SUCLG2: variants seen among roughly 807,000 people sequenced by gnomAD.
SUCLG2 encodes the protein succinate--CoA ligase [GDP-forming] subunit beta, mitochondrial.
A neutral mutation model predicts 47.9 loss-of-function variants in SUCLG2; 42 were observed. That is an observed-to-expected ratio of 0.88 (90% confidence interval 0.69 to 1.14). SUCLG2 has a LOEUF of 1.14. Among genes scored for constraint, SUCLG2 ranks in the 50% most tolerant of loss-of-function variants. The probability of loss-of-function intolerance (pLI) is 0.00; values close to 1 mark genes in which losing one functional copy is unlikely to be tolerated. For missense variants in SUCLG2, 571 were observed against 525.9 expected, an observed-to-expected ratio of 1.09 and a Z score of -0.84; for synonymous variants, 195 against 197.3, an observed-to-expected ratio of 0.99 and a Z score of 0.10.
chr3:67,406,132 T>C (rs1016388947), intron 9 of SUCLG2, among the ~76,000 whole-genome samples: 4 of 152,156 alleles, frequency 2.6e-5, no homozygotes, highest in African/African-American at 9.7e-5. Flanking sequence ...GACTCAGAGG[T>C]AGAAACAAAT....
intron 9 of SUCLG2, among the ~76,000 whole-genome samples, chr3:67,402,318 G>GTA (rs2106817675): frequency 1.5e-5 from 1 of 67,776 alleles, no homozygotes; most frequent in East Asian, 3.8e-4. Context: ...GGGCAAGTAA[G>GTA]AAAACCTTTT....
intron 9 of SUCLG2, among the ~76,000 whole-genome samples, chr3:67,492,291 G>C (rs1009043227): frequency 1.3e-5 from 2 of 152,180 alleles, no homozygotes; most frequent in Non-Finnish European, 2.9e-5. Flanking sequence ...CACTTCACAA[G>C]ATGTTTCGTG....
At chr3:67,602,114 G>A (rs1708433627) in intron 2 of SUCLG2, among the ~76,000 whole-genome samples, 1 of 152,128 alleles carries the variant, frequency 6.6e-6, no homozygotes, top group Non-Finnish European at 1.5e-5. Context: ...GAAGAGATCT[G>A]GTGACACTCA....
intron 4 of SUCLG2, among the ~76,000 whole-genome samples, chr3:67,522,292 G>A (rs571556997): frequency 6.6e-6 from 1 of 152,062 alleles, no homozygotes; most frequent in South Asian, 2.1e-4. Flanking sequence ...CAATACACTC[G>A]CCTAAGATTC....
intron 9 of SUCLG2, among the ~76,000 whole-genome samples, chr3:67,432,025 T>C (rs1703497044): frequency 6.6e-6 from 1 of 152,206 alleles, no homozygotes. Context: ...CCTTAAGAAA[T>C]GCAGGAAGGG....
intron 9 of SUCLG2, chr3:67,408,578 C>T: frequency 1.0e-6 from 1 of 976,296 alleles, no homozygotes; most frequent in Non-Finnish European, 1.2e-6. Flanking sequence ...TCAGGTTGAC[C>T]TCTGAAAGCA....
intron 4 of SUCLG2, among the ~76,000 whole-genome samples, chr3:67,522,215 C>T (rs1384943358): frequency 6.6e-6 from 1 of 151,632 alleles, no homozygotes; most frequent in African/African-American, 2.4e-5. Flanking sequence ...TTAATTTTTG[C>T]TTTATTTTTT....
chr3:67,607,805 G>C (rs1042054165), intron 2 of SUCLG2, among the ~76,000 whole-genome samples: 1 of 152,108 alleles, frequency 6.6e-6, no homozygotes, highest in Non-Finnish European at 1.5e-5. Flanking sequence ...GAGATCTAAT[G>C]GTTTTATAAA....
chr3:67,391,208 T>C (rs1039427003), intron 10 of SUCLG2, among the ~76,000 whole-genome samples: 2 of 152,240 alleles, frequency 1.3e-5, no homozygotes, highest in Non-Finnish European at 2.9e-5. Context: ...TCTAAAGTTG[T>C]TGTGAACATA....
intron 10 of SUCLG2, among the ~76,000 whole-genome samples, chr3:67,365,314 C>A (rs942501505): frequency 6.6e-6 from 1 of 152,076 alleles, no homozygotes. Flanking sequence ...ACGAAACTCA[C>A]GATTTTCAAG....
chr3:67,488,785 A>ATT (rs1289574898), intron 9 of SUCLG2, among the ~76,000 whole-genome samples: 1 of 152,008 alleles, frequency 6.6e-6, no homozygotes, highest in African/African-American at 2.4e-5. Flanking sequence ...ATAATTATAT[A>ATT]TTTTTCCAAA....
intron 9 of SUCLG2, among the ~76,000 whole-genome samples, chr3:67,453,841 T>C (rs1001577566): frequency 1.3e-5 from 2 of 152,160 alleles, no homozygotes; most frequent in Non-Finnish European, 2.9e-5. Context: ...AATGTGACCA[T>C]CCAGTTGAAA....
At chr3:67,563,787 G>A (rs143836420) in intron 2 of SUCLG2, among the ~76,000 whole-genome samples, 4,274 of 151,876 alleles carry the variant, frequency 0.028, 104 homozygotes, top group Non-Finnish European at 0.047. Flanking sequence ...GTGAAACCCC[G>A]TCTTTACTAA....
intron 9 of SUCLG2, among the ~76,000 whole-genome samples, chr3:67,429,103 C>T (rs1703390267): frequency 6.6e-6 from 1 of 152,068 alleles, no homozygotes; most frequent in Admixed American, 6.5e-5. Context: ...ACAGAGAATG[C>T]CACAAAGATA....
chr3:67,463,212 T>C (rs1397692089), intron 9 of SUCLG2, among the ~76,000 whole-genome samples: 1 of 152,190 alleles, frequency 6.6e-6, no homozygotes, highest in African/African-American at 2.4e-5. Context: ...ATTGAAAATT[T>C]TCTGGATTTT....
chr3:67,555,695 T>C (rs1707143187), intron 2 of SUCLG2, among the ~76,000 whole-genome samples: 1 of 152,142 alleles, frequency 6.6e-6, no homozygotes, highest in Non-Finnish European at 1.5e-5. Flanking sequence ...AAGTCTTTGA[T>C]GATATAAATA....
chr3:67,375,644 C>T lies in SUCLG2; in HGVS notation c.*100G>A, dbSNP rs913064811. 1.3e-5 allele frequency: 19 copies of T among 1,457,108 alleles called. No homozygotes were observed. Among genetic ancestry groups the T allele is most frequent in the East Asian group, 7.6e-5 (3 of 39,634 alleles). The allele number at this position is 1,457,108 out of a possible 1,614,324, so 90.3% of individuals were successfully genotyped here. On this transcript the variant is annotated 3_prime_UTR_variant, in exon 11 of 11. Transcript: ENST00000307227. ...CAGTGATTCTTGCCTTCCCCCTCCC[C>T]TTTTCTTCCCCAATGAGATAACCAT...
chr3:67,415,878 C>T lies in SUCLG2; in HGVS notation c.1063-15027G>A, dbSNP rs140483873. 8.5e-3 allele frequency among the ~76,000 whole-genome samples: 1,297 copies of T among 152,250 alleles called. 10 individuals carry two copies. Among genetic ancestry groups the T allele is most frequent in the Non-Finnish European group, 0.012 (828 of 68,026 alleles). On this transcript the variant is annotated intron_variant, in intron 9 of 10. Coordinates refer to ENST00000307227, the MANE Select transcript of SUCLG2 (RefSeq NM_003848.4). ...AGAATATGGTACACATGACAGTGTG[C>T]GACTTTTGAGACCAGGTTATGAAGG...
intron 2 of SUCLG2, among the ~76,000 whole-genome samples, chr3:67,600,211 C>T (rs6797121): frequency 0.5 from 76,024 of 152,026 alleles, 20,242 homozygotes; most frequent in African/African-American, 0.68. Context: ...TATAAAAAAA[C>T]ATAGCTTCAC....
Sources: allele counts gnomAD v4.1 joint callset (sites outside exome capture counted in the v4.1 genomes callset), GRCh38; gene constraint gnomAD v4.1.1; transcripts MANE v1.5; gene names NCBI Gene and HGNC (gene_info 2026-07-23, HGNC 2026-07-21).